The following LPP variants were observed in gnomAD, a reference collection of about 807,000 sequenced individuals.
The protein encoded by LPP is LIM domain containing preferred translocation partner in lipoma.
A neutral mutation model predicts 60.4 loss-of-function variants in LPP; 38 were observed. The observed-to-expected ratio is 0.63, with a 90% CI of 0.49 to 0.83. LPP has a LOEUF of 0.83. Among genes scored for constraint, LPP ranks in the 40% least tolerant of loss-of-function variants. LPP has a pLI of 0.00. For missense variants in LPP, 902 were observed against 783.6 expected, an observed-to-expected ratio of 1.15 and a Z score of -1.80; for synonymous variants, 328 against 290.8, an observed-to-expected ratio of 1.13 and a Z score of -1.30.
intron 7 of LPP, among the ~76,000 whole-genome samples, chr3:188,696,743 A>G (rs1360945769): frequency 6.6e-6 from 1 of 152,174 alleles, no homozygotes; most frequent in East Asian, 1.9e-4. Flanking sequence ...GAACCTATAT[A>G]TCTAAGGCAT....
At chr3:188,830,527 C>T (rs1452119235) in intron 9 of LPP, among the ~76,000 whole-genome samples, 1 of 151,908 alleles carries the variant, frequency 6.6e-6, no homozygotes, top group African/African-American at 2.4e-5. Flanking sequence ...ATCGCTTGAA[C>T]CTGGGAGGCA....
intron 6 of LPP, 60 bp downstream of exon 6, chr3:188,524,847 A>C: frequency 6.5e-7 from 1 of 1,540,334 alleles, no homozygotes. Context: ...CTCTTATCAG[A>C]AAGAACATGC....
At chr3:188,760,410 G>GTGTGTGTGTGTGTT in intron 9 of LPP, 128 bp downstream of exon 9, 1 of 397,948 alleles carries the variant, frequency 2.5e-6, no homozygotes, top group Non-Finnish European at 4.0e-6. Flanking sequence ...TGTGTGTGGG[G>GTGTGTGTGTGTGTT]TGTGTGTGTG....
chr3:188,243,878 A>T (rs1050371893), intron 2 of LPP, among the ~76,000 whole-genome samples: 2 of 151,804 alleles, frequency 1.3e-5, no homozygotes, highest in African/African-American at 2.4e-5. Context: ...TTTATTTTTA[A>T]AATTTTTATT....
At chr3:188,765,861 C>CT (rs71169019) in intron 9 of LPP, among the ~76,000 whole-genome samples, 2,777 of 92,612 alleles carry the variant, frequency 0.03, 434 homozygotes, top group African/African-American at 0.078. Context: ...ATGTTCAACT[C>CT]TTTTTTTTTT....
chr3:188,663,482 C>T (rs1855059191), intron 7 of LPP, among the ~76,000 whole-genome samples: 1 of 152,078 alleles, frequency 6.6e-6, no homozygotes, highest in Admixed American at 6.5e-5. Context: ...TTCTTTTCTC[C>T]ACCTCCCATG....
In LPP at chr3:188,337,776, A is replaced by G. The variant is rs1354265754; in HGVS notation, c.-66-3887A>G. Among the ~76,000 whole-genome samples, 3 of 152,188 alleles carry G rather than the reference A, an allele frequency of 2.0e-5. No individual in the cohort carries two copies. In the East Asian group the frequency reaches 5.8e-4, roughly 29 times the overall value. On this transcript the variant is annotated intron_variant, in intron 2 of 11. Transcript: ENST00000617246. ...TGGCCTCCCAGAGTGCCGGGACTAC[A>G]GGCACGAACCATCGTGCCTGGCCCA...
chr3:188,190,970 G>A (rs1201121407), intron 1 of LPP, among the ~76,000 whole-genome samples: 1 of 152,242 alleles, frequency 6.6e-6, no homozygotes, highest in African/African-American at 2.4e-5. Context: ...GGTGGCTCAC[G>A]CCTGTAATCC....
chr3:188,353,434 G>A (rs573140542), intron 3 of LPP, among the ~76,000 whole-genome samples: 3 of 152,220 alleles, frequency 2.0e-5, no homozygotes, highest in South Asian at 2.1e-4. Context: ...ATTCTTATGT[G>A]TGATTATTTT....
intron 8 of LPP, among the ~76,000 whole-genome samples, chr3:188,757,187 A>G (rs1461373452): frequency 6.6e-6 from 1 of 151,990 alleles, no homozygotes; most frequent in Non-Finnish European, 1.5e-5. Context: ...CCATGTGACT[A>G]TTGCATGTAG....
chr3:188,206,798 A>G (rs1733357593), intron 1 of LPP, among the ~76,000 whole-genome samples: 1 of 152,206 alleles, frequency 6.6e-6, no homozygotes, highest in Non-Finnish European at 1.5e-5. Flanking sequence ...AGATTTGAGC[A>G]TCTGACTTTT....
intron 9 of LPP, among the ~76,000 whole-genome samples, chr3:188,792,262 C>T (rs1396330673): frequency 2.0e-5 from 3 of 152,186 alleles, no homozygotes; most frequent in Non-Finnish European, 2.9e-5. Context: ...CTTGGAGAAA[C>T]GTTTTTCATC....
chr3:188,812,689 C>A (rs986307013), intron 9 of LPP, among the ~76,000 whole-genome samples: 1 of 151,838 alleles, frequency 6.6e-6, no homozygotes, highest in Non-Finnish European at 1.5e-5. Flanking sequence ...AAGGACTAAC[C>A]CTAGAATGAC....
rs1770161254 is a variant in LPP at position 188,882,545 on chromosome 3, T to C, written c.*8066T>C. 4.5e-6 allele frequency: 1 copy of C among 223,018 alleles called. No homozygotes were observed. The highest frequency in any genetic ancestry group is 6.6e-5 in the East Asian group (1 of 15,220). 13.8% of individuals were successfully genotyped at this position (223,018 alleles called of 1,614,324 possible). The stretch of plus-strand genomic sequence containing the variant: ...CCATGAACTTTATTATCACAGAATA[T>C]GAGCATTCTTATTGATCCACAGCTA... On this transcript the variant is annotated 3_prime_UTR_variant, in exon 12 of 12. Transcript: ENST00000617246.
intron 7 of LPP, among the ~76,000 whole-genome samples, chr3:188,692,503 A>C (rs1488691652): frequency 6.6e-6 from 1 of 152,158 alleles, no homozygotes; most frequent in Non-Finnish European, 1.5e-5. Flanking sequence ...TTTGTCCAAG[A>C]CCTAATTCAA....
chr3:188,279,128 TAGG>T lies in LPP; in HGVS notation c.-67+53604_-67+53606del, dbSNP rs565245143. On this transcript the variant is annotated intron_variant, in intron 2 of 11. Transcript: ENST00000617246. ...GGGGTCACTGCCTCCCATGGATTAG[TAGG>T]AGATCAAGTGGACTTAACTTCAGCT... Among the ~76,000 whole-genome samples, 81 of 152,296 alleles carry T rather than the reference TAGG, an allele frequency of 5.3e-4. 1 individual carries two copies. In the South Asian group the frequency reaches 0.015, roughly 29 times the overall value.
At chr3:188,656,315 C>T (rs1230272120) in intron 7 of LPP, among the ~76,000 whole-genome samples, 2 of 152,112 alleles carry the variant, frequency 1.3e-5, no homozygotes, top group African/African-American at 4.8e-5. Flanking sequence ...TGCCTCCTTC[C>T]ACATGCTATG....
At chr3:188,678,036 G>GTAGCTTTT (rs1858522203) in intron 7 of LPP, among the ~76,000 whole-genome samples, 1 of 152,106 alleles carries the variant, frequency 6.6e-6, no homozygotes, top group Admixed American at 6.5e-5. Flanking sequence ...ACTACATTCT[G>GTAGCTTTT]TAGCTTTTCT....
chr3:188,303,079 T>C (rs1750440080), intron 2 of LPP, among the ~76,000 whole-genome samples: 1 of 152,158 alleles, frequency 6.6e-6, no homozygotes, highest in South Asian at 2.1e-4. Flanking sequence ...GTGGGAAAAA[T>C]ATACTAGAAC....
Sources: allele counts gnomAD v4.1 joint callset (sites outside exome capture counted in the v4.1 genomes callset), GRCh38; gene constraint gnomAD v4.1.1; transcripts MANE v1.5; gene names NCBI Gene and HGNC (gene_info 2026-07-23, HGNC 2026-07-21).